Variants in ZDHHC17 observed in about 807,000 individuals in gnomAD.
The protein encoded by ZDHHC17 is palmitoyltransferase ZDHHC17.
ZDHHC17 carries 40 observed loss-of-function variants against 90.3 expected under a neutral mutation model. That is an observed-to-expected ratio of 0.44 (90% CI 0.34 to 0.58). ZDHHC17 has a LOEUF of 0.58. Ranked by LOEUF, ZDHHC17 falls within the 20% of genes least tolerant of loss-of-function variation. The pLI is 0.01. For synonymous variants in ZDHHC17, 235 were observed against 252.4 expected, an observed-to-expected ratio of 0.93 and a Z score of 0.65; for missense variants, 614 against 780.8, an observed-to-expected ratio of 0.79 and a Z score of 2.55.
intron 1 of ZDHHC17, among the ~76,000 whole-genome samples, chr12:76,776,041 C>T: frequency 6.6e-6 from 1 of 152,054 alleles, no homozygotes; most frequent in African/African-American, 2.4e-5. Flanking sequence ...TCCCATTAAA[C>T]TTTTTTTCCT....
chr12:76,835,217 ATTT>A (rs1444335028), intron 10 of ZDHHC17, among the ~76,000 whole-genome samples: 1 of 151,730 alleles, frequency 6.6e-6, no homozygotes, highest in African/African-American at 2.4e-5. Flanking sequence ...TGCCTGGCTA[ATTT>A]TTGTATTTTT....
chr12:76,846,534 A>T, intron 13 of ZDHHC17, 62 bp from the exon 14 acceptor site: 2 of 1,257,804 alleles, frequency 1.6e-6, no homozygotes, highest in Non-Finnish European at 2.3e-6. Context: ...ATACCCCTCA[A>T]AGGTGCATTA....
intron 3 of ZDHHC17, among the ~76,000 whole-genome samples, chr12:76,806,896 G>T (rs1952961224): frequency 6.6e-6 from 1 of 152,192 alleles, no homozygotes; most frequent in Admixed American, 6.5e-5. Context: ...GGATATTAAT[G>T]CCAGGTAAGA....
chr12:76,846,440 T>G (rs1953495781), intron 13 of ZDHHC17, 156 bp from the exon 14 acceptor site: 1 of 577,246 alleles, frequency 1.7e-6, no homozygotes, highest in African/African-American at 1.9e-5. Flanking sequence ...AGATTTTTAT[T>G]AAAACATTTT....
chr12:76,787,857 C>T (rs1952709223), intron 1 of ZDHHC17, among the ~76,000 whole-genome samples: 3 of 152,176 alleles, frequency 2.0e-5, no homozygotes, highest in Admixed American at 2.0e-4. Flanking sequence ...CCAAACTAAA[C>T]AACTCTCAGA....
In ZDHHC17 at chr12:76,815,997, A is replaced by G; in HGVS notation, c.749A>G (p.Asn250Ser). The G allele has an allele frequency of 6.4e-7, 1 of 1,558,674 alleles. No homozygotes were observed. Among genetic ancestry groups the G allele is most frequent in the East Asian group, 2.3e-5 (1 of 42,940 alleles). The change falls in exon 7 of 17, where the codon AAT becomes AGT. Residue 250 changes from asparagine to serine, a missense_variant. This residue lies in a region of ZDHHC17 where 358 missense variants were observed against 380.4 expected (regional missense o/e 0.94). Coordinates refer to ENST00000426126, the MANE Select transcript of ZDHHC17 (RefSeq NM_015336.4). ...VISLLLEAGANVDAQNIKGES... is the reference protein window; with the variant it reads ...VISLLLEAGASVDAQNIKGES... ...AGCCTTCTTCTGGAAGCTGGAGCTA[A>G]TGTTGATGCCCAGAATATCAAGGTA...
chr12:76,822,198 G>T (rs1953171456), intron 7 of ZDHHC17, among the ~76,000 whole-genome samples: 1 of 152,100 alleles, frequency 6.6e-6, no homozygotes, highest in African/African-American at 2.4e-5. Context: ...AAAATCTACG[G>T]AATATGATGA....
intron 2 of ZDHHC17, among the ~76,000 whole-genome samples, chr12:76,798,277 A>T (rs1952846982): frequency 6.6e-6 from 1 of 152,188 alleles, no homozygotes; most frequent in Non-Finnish European, 1.5e-5. Flanking sequence ...AAAATACCAG[A>T]TTATCAGTCT....
chr12:76,797,977 ACG>A (rs1555183036), intron 2 of ZDHHC17, among the ~76,000 whole-genome samples: 3 of 141,942 alleles, frequency 2.1e-5, no homozygotes, highest in African/African-American at 7.8e-5. Context: ...ACACACACAC[ACG>A]AAAATTTAGT....
rs1348827542 is a variant in ZDHHC17, at chr12:76,824,051, G to A, written c.897+1520G>A. ...CCCACAATATTGGCACTTTCGTTTT[G>A]TTGAATGTGAATATTTTGAAGTTTT... is the stretch of plus-strand genomic sequence containing the variant. On this transcript the variant is annotated intron_variant, in intron 8 of 16. Transcript: ENST00000426126. Among the ~76,000 whole-genome samples the A allele has an allele frequency of 2.6e-5, 4 of 151,910 alleles. No homozygotes were observed. The East Asian group carries it at 7.7e-4, about 29-fold the overall frequency.
chr12:76,816,157 A>G (rs1397577693), intron 7 of ZDHHC17, 138 bp downstream of exon 7: 4 of 553,926 alleles, frequency 7.2e-6, no homozygotes, highest in Non-Finnish European at 8.6e-6. Context: ...CACATTATGC[A>G]TAATACATTT....
At chr12:76,775,117 T>A (rs1340293118) in intron 1 of ZDHHC17, among the ~76,000 whole-genome samples, 1 of 152,202 alleles carries the variant, frequency 6.6e-6, no homozygotes, top group East Asian at 1.9e-4. Context: ...GCCCGGCCTC[T>A]TTGTGGTTAT....
intron 1 of ZDHHC17, among the ~76,000 whole-genome samples, chr12:76,766,713 G>A (rs2137703623): frequency 6.6e-6 from 1 of 152,212 alleles, no homozygotes; most frequent in South Asian, 2.1e-4. Context: ...TTAAGCTTCA[G>A]TTGTAATCAG....
At chr12:76,845,265 C>A (rs1419109779) in intron 12 of ZDHHC17, 1 of 152,108 alleles carries the variant, frequency 6.6e-6, no homozygotes, top group Admixed American at 6.6e-5. Context: ...TTTAAATTCA[C>A]TTTTAGCCTG....
At chr12:76,847,754 T>C (rs1337354172) in intron 14 of ZDHHC17, among the ~76,000 whole-genome samples, 1 of 151,952 alleles carries the variant, frequency 6.6e-6, no homozygotes, top group Non-Finnish European at 1.5e-5. Context: ...GCTACTCAGG[T>C]GGCTGAGGTG....
intron 7 of ZDHHC17, 110 bp downstream of exon 7, chr12:76,816,129 A>G: frequency 1.2e-6 from 1 of 824,696 alleles, no homozygotes; most frequent in South Asian, 3.6e-5. Context: ...CTTCTTCAAT[A>G]CAGGTTTACA....
chr12:76,805,059 T>A (rs191440855), intron 2 of ZDHHC17, among the ~76,000 whole-genome samples: 1 of 152,206 alleles, frequency 6.6e-6, no homozygotes, highest in African/African-American at 2.4e-5. Context: ...AGCAACTGAT[T>A]GAAATTTTAT....
At chr12:76,839,912 A>G (rs918267241) in intron 10 of ZDHHC17, 44 of 152,354 alleles carry the variant, frequency 2.9e-4, no homozygotes, top group African/African-American at 1.0e-3. Flanking sequence ...TATTGTTTCC[A>G]TAATATTTAT....
chr12:76,813,236 T>TTTA (rs1953046232), intron 5 of ZDHHC17: 1 of 345,424 alleles, frequency 2.9e-6, no homozygotes, highest in Non-Finnish European at 5.6e-6. Context: ...GTAAAAGAAG[T>TTTA]CACAATAGTT....
Sources: allele counts gnomAD v4.1 joint callset (sites outside exome capture counted in the v4.1 genomes callset), GRCh38; gene constraint gnomAD v4.1.1; regional missense constraint gnomAD v4.1.1; transcripts MANE v1.5; gene names NCBI Gene and HGNC (gene_info 2026-07-23, HGNC 2026-07-21).